IQGAP2: variants seen among roughly 807,000 people sequenced by gnomAD.
IQGAP2 encodes the protein ras GTPase-activating-like protein IQGAP2.
IQGAP2 carries 173 observed loss-of-function variants against 201.3 expected under a neutral mutation model. The ratio of observed to expected loss-of-function variants is 0.86; its 90% confidence interval spans 0.76 to 0.98. The LOEUF (loss-of-function observed/expected upper bound fraction) is 0.98, where lower values mean the gene tolerates loss of function less well. Among genes scored for constraint, IQGAP2 ranks in the 50% least tolerant of loss-of-function variants. The pLI is 0.00. For missense variants in IQGAP2, 1,687 were observed against 1,864.8 expected (o/e 0.90, Z 1.76); for synonymous variants, 675 against 673.9 (o/e 1.00, Z -0.03).
intron 2 of IQGAP2, among the ~76,000 whole-genome samples, chr5:76,465,532 G>C (rs1049788100): frequency 6.6e-6 from 1 of 152,166 alleles, no homozygotes; most frequent in Non-Finnish European, 1.5e-5. Context: ...TAGCCAGGCA[G>C]TTAGGCAAGA....
At chr5:76,404,734 G>A (rs1295172027) in intron 1 of IQGAP2, among the ~76,000 whole-genome samples, 1 of 152,220 alleles carries the variant, frequency 6.6e-6, no homozygotes, top group Admixed American at 6.5e-5. Flanking sequence ...CAGTGAGGGG[G>A]AGGCCTGAGG....
intron 34 of IQGAP2, 123 bp downstream of exon 34, chr5:76,701,336 T>A (rs912501813): frequency 1.1e-6 from 1 of 891,590 alleles, no homozygotes; most frequent in Non-Finnish European, 1.8e-6. Context: ...AAGGGAAGAA[T>A]ACACAAATTG....
At chr5:76,496,599 G>A (rs1756902032) in intron 2 of IQGAP2, among the ~76,000 whole-genome samples, 2 of 152,178 alleles carry the variant, frequency 1.3e-5, no homozygotes, top group South Asian at 4.1e-4. Context: ...AACATTGTTG[G>A]GGGATCATGC....
intron 2 of IQGAP2, among the ~76,000 whole-genome samples, chr5:76,555,008 CA>C (rs374934136): frequency 1.5e-3 from 235 of 152,194 alleles, no homozygotes; most frequent in African/African-American, 5.4e-3. Context: ...CATCTTACAA[CA>C]TAGATGAACC....
chr5:76,685,060 G>A (rs1397480524), intron 30 of IQGAP2, among the ~76,000 whole-genome samples: 1 of 152,172 alleles, frequency 6.6e-6, no homozygotes, highest in African/African-American at 2.4e-5. Context: ...AACAGCCCCT[G>A]TCTTACAGGG....
Position 76,569,344 on chromosome 5 carries a change from A to G in IQGAP2, c.304-1236A>G, listed in dbSNP as rs193185439. Among the ~76,000 whole-genome samples the G allele has an allele frequency of 4.6e-3, 695 of 152,342 alleles. 6 individuals are homozygous for G. The highest frequency in any genetic ancestry group is 8.1e-3 in the South Asian group (39 of 4,826). The stretch of plus-strand genomic sequence containing the variant: ...ATTTATTCCATTGTGTGAATGCACC[A>G]GAGTTTATTTAATCTTATTCACCCA... On this transcript the variant is annotated intron_variant, in intron 3 of 35. Transcript: ENST00000274364.
chr5:76,501,638 C>CTTT (rs1432659462), intron 2 of IQGAP2, among the ~76,000 whole-genome samples: 22 of 25,000 alleles, frequency 8.8e-4, no homozygotes, highest in Admixed American at 1.7e-3. Flanking sequence ...TTTCTTTTTC[C>CTTT]TTTTCTTTTT....
chr5:76,693,505 T>C, intron 31 of IQGAP2, 63 bp downstream of exon 31: 1 of 1,068,334 alleles, frequency 9.4e-7, no homozygotes, highest in Non-Finnish European at 1.4e-6. Context: ...TAAATCTTTA[T>C]GCCATATGTT....
At chr5:76,601,283 C>T (rs72777522) in intron 11 of IQGAP2, among the ~76,000 whole-genome samples, 25,149 of 152,104 alleles carry the variant, frequency 0.17, 2,240 homozygotes, top group Admixed American at 0.28. Flanking sequence ...TTTTGGAAAC[C>T]GCAGAATGTA....
At chr5:76,628,722 T>A (rs1287528526) in intron 14 of IQGAP2, 1 of 456,258 alleles carries the variant, frequency 2.2e-6, no homozygotes, top group Non-Finnish European at 4.4e-6. Context: ...GTGAGAAACA[T>A]CTGGGCTTTA....
At chr5:76,654,793 G>A in intron 19 of IQGAP2, 141 bp from the exon 20 acceptor site, 1 of 582,488 alleles carries the variant, frequency 1.7e-6, no homozygotes, top group Non-Finnish European at 3.0e-6. Flanking sequence ...AAAAATAAAT[G>A]TTGAATACAC....
intron 13 of IQGAP2, among the ~76,000 whole-genome samples, chr5:76,624,834 A>T (rs1472402496): frequency 6.6e-6 from 1 of 152,122 alleles, no homozygotes; most frequent in Admixed American, 6.5e-5. Flanking sequence ...AGCACTTTGT[A>T]AGGCTGAGGT....
rs550357034 is a variant in IQGAP2 at position 76,611,180 on chromosome 5, C to A, written c.1518C>A (p.Leu506=). 1 of 1,606,758 alleles carries A rather than the reference C, an allele frequency of 6.2e-7. No individual in the cohort carries two copies. Among genetic ancestry groups the A allele is most frequent in the Non-Finnish European group, 8.5e-7 (1 of 1,177,508 alleles). The change falls in exon 13 of 36, where the codon CTC becomes CTA. Residue 506 remains leucine (L), a synonymous_variant. Coordinates refer to ENST00000274364, the MANE Select transcript of IQGAP2 (RefSeq NM_006633.5). The stretch of plus-strand genomic sequence containing the variant: ...TATACCATGCTAAATCACAGAAACT[C>A]GGAGTAAGTTTTAGTATATCTGTTT... ...DVLYHAKSQK[L]GDSESVSKVL... is the part of the protein sequence containing the mutation.
chr5:76,437,201 A>G (rs1005381465), intron 1 of IQGAP2, among the ~76,000 whole-genome samples: 7 of 151,708 alleles, frequency 4.6e-5, no homozygotes, highest in African/African-American at 1.7e-4. Context: ...ACAGGCACCC[A>G]CCACCATGCC....
Position 76,658,451 on chromosome 5 carries a change from C to A in IQGAP2, c.2321-8C>A. On this transcript the variant is annotated splice_polypyrimidine_tract_variant and splice_region_variant and intron_variant, in intron 20 of 35. Coordinates refer to ENST00000274364, the MANE Select transcript of IQGAP2 (RefSeq NM_006633.5). ...CTAATTAAAGTATACCTGTTCCTGT[C>A]ACTGCAGTTGGCTCTGAAAACCCAC... 1 of 1,606,458 alleles carries A rather than the reference C, an allele frequency of 6.2e-7. No homozygotes were observed. Among genetic ancestry groups the A allele is most frequent in the Non-Finnish European group, 8.5e-7 (1 of 1,173,146 alleles).
At chr5:76,516,932 G>A (rs1328538804) in intron 2 of IQGAP2, among the ~76,000 whole-genome samples, 3 of 152,128 alleles carry the variant, frequency 2.0e-5, no homozygotes, top group Admixed American at 2.0e-4. Context: ...CACTCCATTT[G>A]TAAGTACTTG....
At chr5:76,451,293 G>A (rs1753728455) in intron 1 of IQGAP2, among the ~76,000 whole-genome samples, 1 of 151,736 alleles carries the variant, frequency 6.6e-6, no homozygotes, top group Admixed American at 6.6e-5. Flanking sequence ...TCCTTCTATT[G>A]CCAGTCCTGC....
chr5:76,530,237 A>G (rs550680245), intron 2 of IQGAP2, among the ~76,000 whole-genome samples: 3 of 152,236 alleles, frequency 2.0e-5, no homozygotes, highest in South Asian at 2.1e-4. Context: ...TTTTTTAAAA[A>G]CTTTCCAGCC....
intron 1 of IQGAP2, among the ~76,000 whole-genome samples, chr5:76,448,181 G>A (rs182217374): frequency 1.3e-3 from 201 of 152,256 alleles, no homozygotes; most frequent in African/African-American, 4.6e-3. Flanking sequence ...TCAAGCCTCT[G>A]TTTCCACTCT....
Sources: allele counts gnomAD v4.1 joint callset (sites outside exome capture counted in the v4.1 genomes callset), GRCh38; gene constraint gnomAD v4.1.1; transcripts MANE v1.5; gene names NCBI Gene and HGNC (gene_info 2026-07-23, HGNC 2026-07-21).